XRCC6: variants seen among roughly 807,000 people sequenced by gnomAD.
XRCC6 encodes the protein X-ray repair cross complementing 6.
XRCC6 carries 5 observed loss-of-function variants against 65.7 expected under a neutral mutation model. The ratio of observed to expected loss-of-function variants is 0.08; its 90% CI spans 0.04 to 0.16. The LOEUF (loss-of-function observed/expected upper bound fraction) is 0.16, where lower values mean the gene tolerates loss of function less well. Ranked by LOEUF, XRCC6 falls within the 10% of genes least tolerant of loss-of-function variation. The pLI, the probability that XRCC6 is intolerant of heterozygous loss-of-function variation, is 1.00. For synonymous variants in XRCC6, 270 were observed against 270.6 expected, an observed-to-expected ratio of 1.00 and a Z score of 0.02; for missense variants, 447 against 738.1, an observed-to-expected ratio of 0.61 and a Z score of 4.57.
At chr22:41,652,554 CAG>C (rs2147108321) in intron 8 of XRCC6, among the ~76,000 whole-genome samples, 1 of 152,142 alleles carries the variant, frequency 6.6e-6, no homozygotes, top group South Asian at 2.1e-4. Context: ...TTAGTAGAGA[CAG>C]GGTTTTGCTA....
intron 3 of XRCC6, among the ~76,000 whole-genome samples, chr22:41,633,862 A>G (rs894993450): frequency 2.0e-5 from 3 of 152,230 alleles, no homozygotes; most frequent in African/African-American, 7.2e-5. Context: ...GCACAATTTG[A>G]TAACCGATAA....
intron 2 of XRCC6, 57 bp from the exon 3 acceptor site, chr22:41,628,061 A>C: frequency 8.2e-7 from 1 of 1,218,332 alleles, no homozygotes; most frequent in Non-Finnish European, 1.2e-6. Flanking sequence ...TTTATCTTAT[A>C]TGGTAAACAA....
At chr22:41,632,943 A>G (rs1385341655) in intron 3 of XRCC6, among the ~76,000 whole-genome samples, 2 of 151,800 alleles carry the variant, frequency 1.3e-5, no homozygotes, top group Non-Finnish European at 2.9e-5. Context: ...CCTGGCCAAA[A>G]TGGTGAAACC....
chr22:41,628,289 C>T lies in XRCC6; in HGVS notation c.195+59C>T, dbSNP rs548776650. On this transcript the variant is annotated intron_variant, in intron 3 of 12. Transcript: ENST00000360079. ...AAACAGTATTGGCTGGGCATGGTGG[C>T]GGCTCATGCCTGTAATCTCAGGACA... 133 of 1,414,558 alleles carry T rather than the reference C, an allele frequency of 9.4e-5. 1 individual carries two copies. Among genetic ancestry groups the T allele is most frequent in the South Asian group, 7.3e-4 (60 of 82,434 alleles). 87.6% of individuals were successfully genotyped at this position (1,414,558 alleles called of 1,614,324 possible). A position where few individuals can be genotyped will look rare whatever the true frequency, so the allele number is the denominator to read the frequency against.
At chr22:41,636,812 T>C in intron 5 of XRCC6, 42 bp downstream of exon 5, 1 of 1,588,546 alleles carries the variant, frequency 6.3e-7, no homozygotes, top group Non-Finnish European at 8.5e-7. Flanking sequence ...CACTTAATTA[T>C]TGTTTTTTTA....
chr22:41,626,881 C>A (rs1044527824), intron 2 of XRCC6, among the ~76,000 whole-genome samples: 1 of 151,902 alleles, frequency 6.6e-6, no homozygotes, highest in Non-Finnish European at 1.5e-5. Flanking sequence ...ACCTCGTGAT[C>A]CGCGCGCCTC....
At chr22:41,633,097 A>G (rs925929305) in intron 3 of XRCC6, among the ~76,000 whole-genome samples, 4 of 152,168 alleles carry the variant, frequency 2.6e-5, no homozygotes, top group African/African-American at 9.7e-5. Context: ...ATTGCAGTCC[A>G]GCCTGGGCAA....
At chr22:41,623,220 A>G (rs548936152) in intron 2 of XRCC6, among the ~76,000 whole-genome samples, 7 of 151,802 alleles carry the variant, frequency 4.6e-5, no homozygotes, top group Non-Finnish European at 1.0e-4. Flanking sequence ...AGCTGGGACT[A>G]CAAGTGCCGC....
At chr22:41,659,207 T>C (rs943934923) in intron 11 of XRCC6, among the ~76,000 whole-genome samples, 1 of 152,036 alleles carries the variant, frequency 6.6e-6, no homozygotes, top group Admixed American at 6.6e-5. Flanking sequence ...AGAAGAGTTA[T>C]TGGACCATTG....
intron 3 of XRCC6, among the ~76,000 whole-genome samples, chr22:41,635,911 T>TA (rs575483813): frequency 1.5e-3 from 226 of 152,316 alleles, no homozygotes; most frequent in African/African-American, 5.2e-3. Context: ...AATGTATACT[T>TA]ACTGCATTCT....
rs546742488 is a variant in XRCC6 at position 41,635,576 on chromosome 22, T to A, written c.196-537T>A. On this transcript the variant is annotated intron_variant, in intron 3 of 12. Coordinates refer to ENST00000360079, the MANE Select transcript of XRCC6 (RefSeq NM_001469.5). Reference sequence around the variant, plus strand: ...TTTTTCTTGAGATAAGGTCTCACTCTGTTGCCCAGGCTGGACTGTAGTGGT... The same window carrying A: ...TTTTTCTTGAGATAAGGTCTCACTCAGTTGCCCAGGCTGGACTGTAGTGGT... 5.3e-5 allele frequency among the ~76,000 whole-genome samples: 8 copies of A among 152,338 alleles called. No homozygotes were observed. In the South Asian group the frequency reaches 1.7e-3, roughly 32 times the overall value.
rs138171458 is a variant in XRCC6, at chr22:41,657,490, T to TTTATTATTATTA, written c.1421+494_1421+505dup. On this transcript the variant is annotated intron_variant, in intron 10 of 12. Coordinates refer to ENST00000360079, the MANE Select transcript of XRCC6 (RefSeq NM_001469.5). ...TTTTTTCACATGTCATTTTTAAAAA[T>TTTATTATTATTA]TTATTATTATTATTATTATTATTAT... Among the ~76,000 whole-genome samples the TTTATTATTATTA allele has an allele frequency of 7.8e-4, 108 of 138,234 alleles. 1 individual carries two copies. The highest frequency in any genetic ancestry group is 1.0e-3 in the East Asian group (5 of 4,828). 90.7% of individuals were successfully genotyped at this position (138,234 alleles called of 152,430 possible).
At chr22:41,644,963 C>T (rs993679881) in intron 6 of XRCC6, among the ~76,000 whole-genome samples, 2 of 152,188 alleles carry the variant, frequency 1.3e-5, no homozygotes, top group East Asian at 1.9e-4. Context: ...TGAGCCCTCA[C>T]TTATAGAAGG....
chr22:41,638,113 C>T (rs998465437), intron 6 of XRCC6, among the ~76,000 whole-genome samples: 2 of 152,180 alleles, frequency 1.3e-5, no homozygotes, highest in African/African-American at 4.8e-5. Flanking sequence ...TTCAGGATAG[C>T]AGAAGCTATT....
At chr22:41,623,903 A>G (rs2067639742) in intron 2 of XRCC6, among the ~76,000 whole-genome samples, 1 of 151,782 alleles carries the variant, frequency 6.6e-6, no homozygotes, top group Non-Finnish European at 1.5e-5. Flanking sequence ...TTGTATTTTT[A>G]GTAGAGGCAG....
At chr22:41,646,328 A>G (rs112633037) in intron 6 of XRCC6, among the ~76,000 whole-genome samples, 4 of 152,192 alleles carry the variant, frequency 2.6e-5, no homozygotes, top group African/African-American at 9.6e-5. Flanking sequence ...GAGACAAGAC[A>G]ACTAGTACAG....
chr22:41,640,147 C>T (rs1421785159), intron 6 of XRCC6, among the ~76,000 whole-genome samples: 11 of 151,650 alleles, frequency 7.3e-5, no homozygotes, highest in Admixed American at 4.6e-4. Flanking sequence ...CTGTCTCAGC[C>T]TCCCAAGTAG....
intron 6 of XRCC6, among the ~76,000 whole-genome samples, chr22:41,645,346 ACCTTGACTAATTTCAG>A (rs1193701011): frequency 1.3e-5 from 2 of 152,016 alleles, no homozygotes; most frequent in Non-Finnish European, 2.9e-5. Flanking sequence ...AAAAAGGCTG[ACCTTGACTAATTTCAG>A]CGTATGAGTC....
At chr22:41,640,483 G>A (rs2067864219) in intron 6 of XRCC6, among the ~76,000 whole-genome samples, 2 of 152,132 alleles carry the variant, frequency 1.3e-5, no homozygotes, top group South Asian at 4.1e-4. Context: ...GGGGCTCTTG[G>A]TATGTTAACC....
Sources: allele counts gnomAD v4.1 joint callset (sites outside exome capture counted in the v4.1 genomes callset), GRCh38; gene constraint gnomAD v4.1.1; transcripts MANE v1.5; gene names NCBI Gene and HGNC (gene_info 2026-07-23, HGNC 2026-07-21).